Variants in DNAH12 observed in about 807,000 individuals in gnomAD.
The protein encoded by DNAH12 is dynein axonemal heavy chain 12.
In DNAH12, 285 loss-of-function variants were observed where a neutral mutation model predicts 371.5. The ratio of observed to expected loss-of-function variants is 0.77; its 90% confidence interval spans 0.70 to 0.85. The LOEUF (loss-of-function observed/expected upper bound fraction) is 0.85, where lower values mean the gene tolerates loss of function less well. DNAH12 is among the 40% of genes least tolerant of loss of function. The pLI is 0.00. For synonymous variants in DNAH12, 1,200 were observed against 1,213.0 expected (o/e 0.99, Z 0.22); for missense variants, 3,611 against 3,689.4 (o/e 0.98, Z 0.55).
At chr3:57,546,619 T>C (rs1468475356), upstream of DNAH12, among the ~76,000 whole-genome samples, 3 of 152,194 alleles carry the variant, frequency 2.0e-5, no homozygotes, top group Non-Finnish European at 4.4e-5. Flanking sequence ...GTTGGGATTA[T>C]AGGCATGAGC....
chr3:57,394,119 TC>T (rs1467889887), intron 44 of DNAH12, 51 bp downstream of exon 44: 1 of 152,158 alleles, frequency 6.6e-6, no homozygotes, highest in Non-Finnish European at 1.5e-5. Flanking sequence ...AGAAACAGTT[TC>T]AAGAAATAAA....
chr3:57,339,790 A>C (rs1323143852), intron 60 of DNAH12, among the ~76,000 whole-genome samples: 1 of 152,138 alleles, frequency 6.6e-6, no homozygotes, highest in East Asian at 1.9e-4. Flanking sequence ...TTAAGAGAGA[A>C]AGTAAAAAAT....
intron 20 of DNAH12, 138 bp downstream of exon 20, chr3:57,459,454 T>C (rs2065992042): frequency 1.3e-6 from 1 of 794,418 alleles, no homozygotes; most frequent in Admixed American, 3.6e-5. Flanking sequence ...TTTTATGCTT[T>C]CTTATATTTT....
chr3:57,418,114 G>A (rs983873333), intron 37 of DNAH12, among the ~76,000 whole-genome samples: 2 of 151,946 alleles, frequency 1.3e-5, no homozygotes, highest in African/African-American at 4.8e-5. Flanking sequence ...ATGCTGGAAT[G>A]CACTGCATTC....
At chr3:57,305,907 C>T (rs2061459696) in intron 69 of DNAH12, among the ~76,000 whole-genome samples, 1 of 152,218 alleles carries the variant, frequency 6.6e-6, no homozygotes, top group Non-Finnish European at 1.5e-5. Context: ...GCCTGAACCG[C>T]AGCACCGAGG....
chr3:57,525,752 T>C (rs2068624342), intron 2 of DNAH12, among the ~76,000 whole-genome samples: 1 of 121,506 alleles, frequency 8.2e-6, no homozygotes, highest in Non-Finnish European at 1.7e-5. Context: ...TAGTATGTCT[T>C]ATTCTTTTTT....
chr3:57,303,539 G>A (rs1269757919), intron 69 of DNAH12, among the ~76,000 whole-genome samples: 1 of 151,276 alleles, frequency 6.6e-6, no homozygotes, highest in South Asian at 2.1e-4. Flanking sequence ...GGCCTCCCAA[G>A]TAGCTGAGAC....
At chr3:57,547,994 A>C (rs1487890071), upstream of DNAH12, among the ~76,000 whole-genome samples, 1 of 152,244 alleles carries the variant, frequency 6.6e-6, no homozygotes, top group Non-Finnish European at 1.5e-5. Flanking sequence ...ATCATTTAGA[A>C]AAAACATTAG....
chr3:57,551,951 G>A, the DNAH12 span, among the ~76,000 whole-genome samples: 1 of 147,886 alleles, frequency 6.8e-6, no homozygotes, highest in Non-Finnish European at 1.5e-5. Flanking sequence ...TTTTTTAAGA[G>A]ATGGGGTCTC....
chr3:57,553,699 A>T, the DNAH12 span, among the ~76,000 whole-genome samples: 1 of 152,242 alleles, frequency 6.6e-6, no homozygotes, highest in African/African-American at 2.4e-5. Context: ...TTATACACAA[A>T]TCAAGCAAGT....
intron 5 of DNAH12, 124 bp downstream of exon 5, chr3:57,510,666 A>G (rs930822066): frequency 4.3e-5 from 37 of 862,098 alleles, no homozygotes; most frequent in Admixed American, 1.6e-4. Flanking sequence ...AAAGAAGAAA[A>G]AAACCAGATA....
chr3:57,466,130 G>A (rs1306651394), intron 17 of DNAH12, among the ~76,000 whole-genome samples: 2 of 151,716 alleles, frequency 1.3e-5, no homozygotes, highest in East Asian at 1.9e-4. Context: ...TGAAAAAAAT[G>A]AAGAAGCTCC....
chr3:57,416,941 T>C (rs1458740026), intron 37 of DNAH12, among the ~76,000 whole-genome samples: 1 of 152,184 alleles, frequency 6.6e-6, no homozygotes, highest in East Asian at 1.9e-4. Context: ...GATAACTTGT[T>C]ACTACACAAT....
the DNAH12 span, among the ~76,000 whole-genome samples, chr3:57,551,251 G>A: frequency 6.6e-6 from 1 of 151,058 alleles, no homozygotes; most frequent in Admixed American, 6.6e-5. Flanking sequence ...ATCGTACTCT[G>A]TATACAAAAT....
At chr3:57,552,165 A>C in the DNAH12 span, among the ~76,000 whole-genome samples, 2 of 151,902 alleles carry the variant, frequency 1.3e-5, no homozygotes, top group African/African-American at 2.4e-5. Flanking sequence ...GAATGGCATG[A>C]ACCCAGGAGG....
intron 43 of DNAH12, among the ~76,000 whole-genome samples, chr3:57,394,913 T>C (rs1237951624): frequency 8.5e-5 from 13 of 152,206 alleles, no homozygotes; most frequent in Admixed American, 8.5e-4. Context: ...ATGGGCTCAG[T>C]AGTGTGCTGA....
intron 25 of DNAH12, 116 bp downstream of exon 25, chr3:57,452,727 C>A: frequency 1.0e-6 from 1 of 984,944 alleles, no homozygotes; most frequent in Non-Finnish European, 1.4e-6. Context: ...AAAGAGAATT[C>A]AGGATTAGAA....
At chr3:57,421,428 A>G (rs1052742162) in intron 36 of DNAH12, 90 bp downstream of exon 36, 2 of 1,343,046 alleles carry the variant, frequency 1.5e-6, no homozygotes, top group African/African-American at 1.5e-5. Context: ...GCAGGAGTCA[A>G]AATAACTCTA....
intron 67 of DNAH12, 80 bp downstream of exon 67, chr3:57,310,637 A>G: frequency 1.1e-6 from 1 of 938,530 alleles, no homozygotes; most frequent in Non-Finnish European, 1.6e-6. Context: ...CTAAACCTAT[A>G]CATTAGAGAA....
Sources: gnomAD v4.1 joint callset for allele counts (sites outside exome capture counted in the v4.1 genomes callset) on GRCh38, gnomAD v4.1.1 for gene constraint, MANE v1.5 for transcripts, NCBI Gene and HGNC (gene_info 2026-07-23, HGNC 2026-07-21) for gene names.